Variants in ANKIB1 observed in about 807,000 individuals in gnomAD.
ANKIB1 encodes ankyrin repeat and IBR domain containing 1.
In ANKIB1, 43 loss-of-function variants were observed where a neutral mutation model predicts 122.1. The observed-to-expected ratio is 0.35, with a 90% confidence interval of 0.28 to 0.45. The LOEUF (loss-of-function observed/expected upper bound fraction) is 0.45. Among genes scored for constraint, ANKIB1 ranks in the 20% least tolerant of loss-of-function variants. The pLI is 1.00. For synonymous variants in ANKIB1, 390 were observed against 442.0 expected (o/e 0.88, Z 1.48); for missense variants, 992 against 1,329.5 (o/e 0.75, Z 3.95).
At chr7:92,286,693 G>A (rs1802135769) in intron 1 of ANKIB1, among the ~76,000 whole-genome samples, 1 of 151,914 alleles carries the variant, frequency 6.6e-6, no homozygotes, top group African/African-American at 2.4e-5. Flanking sequence ...TGGTCAGGCT[G>A]GTCTCGAACT....
chr7:92,354,167 T>G (rs186182362), intron 9 of ANKIB1, among the ~76,000 whole-genome samples: 14 of 152,288 alleles, frequency 9.2e-5, no homozygotes, highest in African/African-American at 3.1e-4. Flanking sequence ...TGACTGAAGA[T>G]AAGAAAGCTA....
intron 8 of ANKIB1, among the ~76,000 whole-genome samples, chr7:92,351,506 A>G (rs1054966410): frequency 6.6e-6 from 1 of 152,140 alleles, no homozygotes; most frequent in African/African-American, 2.4e-5. Context: ...TTGGAAGTTT[A>G]TTATCATTTT....
At chr7:92,325,284 A>G (rs1351355334) in intron 4 of ANKIB1, among the ~76,000 whole-genome samples, 1 of 152,206 alleles carries the variant, frequency 6.6e-6, no homozygotes, top group Non-Finnish European at 1.5e-5. Context: ...CAAGAAACTC[A>G]TGCTGGACAT....
intron 5 of ANKIB1, among the ~76,000 whole-genome samples, chr7:92,328,233 A>G (rs1803068900): frequency 6.6e-6 from 1 of 152,206 alleles, no homozygotes; most frequent in East Asian, 1.9e-4. Flanking sequence ...CCTGGTTTTG[A>G]CATTAATTTT....
intron 4 of ANKIB1, among the ~76,000 whole-genome samples, chr7:92,327,341 G>C (rs965284916): frequency 6.6e-6 from 1 of 152,108 alleles, no homozygotes; most frequent in Non-Finnish European, 1.5e-5. Context: ...ATTTAAATAG[G>C]AAGATTTTAA....
intron 1 of ANKIB1, among the ~76,000 whole-genome samples, chr7:92,264,459 G>T (rs1038344742): frequency 6.6e-6 from 1 of 151,920 alleles, no homozygotes; most frequent in Non-Finnish European, 1.5e-5. Context: ...GTGCAGTGGC[G>T]TGTTGTCGGC....
chr7:92,322,782 G>T (rs1311365340), intron 4 of ANKIB1, among the ~76,000 whole-genome samples: 2 of 152,118 alleles, frequency 1.3e-5, no homozygotes, highest in Non-Finnish European at 2.9e-5. Flanking sequence ...AAACAAGGCT[G>T]CAGTGAATAT....
rs1804969530 is a variant in ANKIB1, at chr7:92,399,395, T to C, written c.*446T>C. The stretch of plus-strand genomic sequence containing the variant: ...TATTTTGGATAAATCCGATAACATA[T>C]ATGTCCTCAATCTCTTTGTGCTCTT... On this transcript the variant is annotated 3_prime_UTR_variant, in exon 20 of 20. Transcript: ENST00000265742. The C allele has an allele frequency of 6.6e-6, 1 of 152,382 alleles. No individual in the cohort carries two copies. The highest frequency in any genetic ancestry group is 1.5e-5 in the Non-Finnish European group (1 of 68,222). 9.4% of individuals were successfully genotyped at this position (152,382 alleles called of 1,614,324 possible).
intron 1 of ANKIB1, among the ~76,000 whole-genome samples, chr7:92,281,633 C>T (rs1802013739): frequency 6.6e-6 from 1 of 152,170 alleles, no homozygotes; most frequent in African/African-American, 2.4e-5. Context: ...GTTTTGTACT[C>T]TGACACAATA....
Position 92,256,682 on chromosome 7 carries a change from A to G in ANKIB1, c.-91+10163A>G, listed in dbSNP as rs960343937. Among the ~76,000 whole-genome samples the G allele has an allele frequency of 2.0e-5, 3 of 152,284 alleles. No homozygotes were observed. The South Asian group carries it at 6.2e-4, about 32-fold the overall frequency. The stretch of plus-strand genomic sequence containing the variant: ...TGGCTACAAAGCCCATATTCTTTCT[A>G]GGCATGCTACACTGCTTCCCATGGC... On this transcript the variant is annotated intron_variant, in intron 1 of 19. Coordinates refer to ENST00000265742, the MANE Select transcript of ANKIB1 (RefSeq NM_019004.2).
At chr7:92,385,092 A>T (rs980966557) in intron 11 of ANKIB1, among the ~76,000 whole-genome samples, 1 of 152,256 alleles carries the variant, frequency 6.6e-6, no homozygotes, top group African/African-American at 2.4e-5. Context: ...GACACTTTTC[A>T]AAAGGAGACA....
At chr7:92,371,950 G>GGGGTGTGTGT (rs1347607106) in intron 11 of ANKIB1, among the ~76,000 whole-genome samples, 2 of 118,066 alleles carry the variant, frequency 1.7e-5, no homozygotes, top group Middle Eastern at 3.9e-3. Flanking sequence ...TTGAGAGAGG[G>GGGGTGTGTGT]GTGTGTGTGT....
At chr7:92,386,767 C>T (rs1175994987) in intron 12 of ANKIB1, 124 bp downstream of exon 12, 1 of 962,788 alleles carries the variant, frequency 1.0e-6, no homozygotes, top group Non-Finnish European at 1.4e-6. Context: ...TTATTATAGC[C>T]TTTAATTTCA....
chr7:92,365,788 CTTTTTTTTTTTTT>C (rs59131137), intron 10 of ANKIB1, among the ~76,000 whole-genome samples: 1 of 58,298 alleles, frequency 1.7e-5, no homozygotes, highest in African/African-American at 7.0e-5. Flanking sequence ...ATTAAATAAT[CTTTTTTTTTTTTT>C]TTTTTTTTTT....
chr7:92,258,097 TATAAA>T (rs1801486412), intron 1 of ANKIB1, among the ~76,000 whole-genome samples: 1 of 152,188 alleles, frequency 6.6e-6, no homozygotes. Context: ...TTACTTTTCT[TATAAA>T]ATAGGAAGAA....
chr7:92,309,024 A>G (rs1412141037), intron 3 of ANKIB1, among the ~76,000 whole-genome samples: 1 of 152,180 alleles, frequency 6.6e-6, no homozygotes, highest in Non-Finnish European at 1.5e-5. Context: ...TCATTTTCTT[A>G]TATTAAAAGA....
chr7:92,246,569 T>C (rs1801046300), intron 1 of ANKIB1, 50 bp downstream of exon 1: 1 of 509,554 alleles, frequency 2.0e-6, no homozygotes, highest in Non-Finnish European at 3.9e-6. Context: ...CCTCTACCCA[T>C]TTGTGGCTCC....
At chr7:92,314,549 A>C (rs927440532) in intron 3 of ANKIB1, among the ~76,000 whole-genome samples, 2 of 152,184 alleles carry the variant, frequency 1.3e-5, no homozygotes, top group African/African-American at 4.8e-5. Context: ...TAGTTTAACA[A>C]AATCCCAAAG....
intron 10 of ANKIB1, among the ~76,000 whole-genome samples, chr7:92,366,699 C>T (rs945065684): frequency 3.3e-5 from 5 of 152,100 alleles, no homozygotes; most frequent in Non-Finnish European, 7.4e-5. Flanking sequence ...TTCTGTTTTG[C>T]CTGTGGTCTA....
Sources: allele counts gnomAD v4.1 joint callset (sites outside exome capture counted in the v4.1 genomes callset), GRCh38; gene constraint gnomAD v4.1.1; transcripts MANE v1.5; gene names NCBI Gene and HGNC (gene_info 2026-07-23, HGNC 2026-07-21).